FAM53A: variants seen among roughly 807,000 people sequenced by gnomAD.
FAM53A encodes family with sequence similarity 53 member A, also known as protein FAM53A.
FAM53A carries 28 observed loss-of-function variants against 26.6 expected under a neutral mutation model. The observed-to-expected ratio is 1.05, with a 90% CI of 0.78 to 1.45. The LOEUF is 1.45. Among genes scored for constraint, FAM53A ranks in the 40% most tolerant of loss-of-function variants. The pLI, the probability that FAM53A is intolerant of heterozygous loss-of-function variation, is 0.00. For missense variants in FAM53A, 650 were observed against 575.8 expected, an observed-to-expected ratio of 1.13 and a Z score of -1.32; for synonymous variants, 290 against 253.1, an observed-to-expected ratio of 1.15 and a Z score of -1.38.
At chr4:1,638,526 G>C (rs1038449402), downstream of FAM53A, among the ~76,000 whole-genome samples, 6 of 152,164 alleles carry the variant, frequency 3.9e-5, no homozygotes, top group Non-Finnish European at 7.4e-5. Flanking sequence ...CAGCCGGAAA[G>C]GTTCTGCCCA....
intron 4 of FAM53A, among the ~76,000 whole-genome samples, chr4:1,645,684 T>C (rs1000321791): frequency 2.0e-5 from 3 of 152,172 alleles, no homozygotes; most frequent in Non-Finnish European, 2.9e-5. Flanking sequence ...TGCCCAGCAG[T>C]GCGCCCCCTG....
the FAM53A span, among the ~76,000 whole-genome samples, chr4:1,578,378 G>A: frequency 6.6e-6 from 1 of 152,212 alleles, no homozygotes; most frequent in Non-Finnish European, 1.5e-5. Context: ...GTGCCAGGCA[G>A]GAGGGGCCGA....
At chr4:1,678,478 C>T (rs1715190119) in intron 1 of FAM53A, among the ~76,000 whole-genome samples, 1 of 152,186 alleles carries the variant, frequency 6.6e-6, no homozygotes, top group Non-Finnish European at 1.5e-5. Flanking sequence ...CAATAGAGAA[C>T]AGAGAGTCTT....
Position 1,652,836 on chromosome 4 carries a change from C to T in FAM53A, c.882+2142G>A, listed in dbSNP as rs545174594. 6.2e-3 allele frequency among the ~76,000 whole-genome samples: 925 copies of T among 148,866 alleles called. 12 individuals carry two copies. Among genetic ancestry groups the T allele is most frequent in the African/African-American group, 0.022 (871 of 40,358 alleles). ...ACACCACATACTACCCACCACACAC[C>T]ACACGCTACACACCACACAGCACAC... is the stretch of plus-strand genomic sequence containing the variant. On this transcript the variant is annotated intron_variant, in intron 4 of 4. Transcript: ENST00000308132.
intron 1 of FAM53A, among the ~76,000 whole-genome samples, chr4:1,629,079 C>T (rs1310240588): frequency 1.3e-5 from 2 of 151,946 alleles, no homozygotes; most frequent in East Asian, 1.9e-4. Flanking sequence ...GCCATGCCTG[C>T]GTTGGGGGAC....
intron 1 of FAM53A, among the ~76,000 whole-genome samples, chr4:1,620,671 A>G (rs1398258066): frequency 2.7e-5 from 4 of 149,416 alleles, no homozygotes; most frequent in African/African-American, 1.0e-4. Flanking sequence ...CTGTCTCACA[A>G]AAAAAAAGAA....
intron 2 of FAM53A, among the ~76,000 whole-genome samples, chr4:1,662,048 G>A (rs373542111): frequency 1.3e-5 from 2 of 152,218 alleles, no homozygotes; most frequent in South Asian, 2.1e-4. Context: ...ACTCTTACTG[G>A]CCAGGTGTCA....
chr4:1,649,721 C>G (rs998870970), intron 4 of FAM53A, among the ~76,000 whole-genome samples: 3 of 152,278 alleles, frequency 2.0e-5, no homozygotes, highest in African/African-American at 7.2e-5. Flanking sequence ...CAGCCCCAGT[C>G]AAGCCTCCAG....
At chr4:1,586,317 C>T in the FAM53A span, among the ~76,000 whole-genome samples, 54 of 151,936 alleles carry the variant, frequency 3.6e-4, no homozygotes, top group South Asian at 2.1e-4. Context: ...ACTCAGCCTC[C>T]CGAGTATCTA....
intron 1 of FAM53A, among the ~76,000 whole-genome samples, chr4:1,678,514 G>A (rs535155577): frequency 6.6e-5 from 10 of 152,246 alleles, no homozygotes; most frequent in Admixed American, 5.2e-4. Flanking sequence ...TGAAAAACTA[G>A]ACATCCACAA....
rs372393703 is a variant in FAM53A at position 1,674,398 on chromosome 4, G to A, written c.-164-5493C>T. On this transcript the variant is annotated intron_variant, in intron 1 of 4. Transcript: ENST00000308132. ...ATTGCAAAAGCATCTGGCCGGGCGC[G>A]GTGGCTCACGCCTGTAATCCCAGCA... Among the ~76,000 whole-genome samples, 17 of 152,288 alleles carry A rather than the reference G, an allele frequency of 1.1e-4. No homozygotes were observed. In the South Asian group the frequency reaches 1.2e-3, roughly 11 times the overall value.
At chr4:1,622,655 G>A (rs1343298548) in intron 1 of FAM53A, among the ~76,000 whole-genome samples, 2 of 152,252 alleles carry the variant, frequency 1.3e-5, no homozygotes, top group Admixed American at 6.5e-5. Context: ...GTGAGGGGAC[G>A]GTGGAGCTCT....
chr4:1,649,855 A>G (rs4865431), intron 4 of FAM53A, among the ~76,000 whole-genome samples: 1 of 141,638 alleles, frequency 7.1e-6, no homozygotes, highest in Non-Finnish European at 1.6e-5. Context: ...GGTGTTTGAC[A>G]GTGAGGTGGC....
At chr4:1,645,735 C>A (rs1712181891) in intron 4 of FAM53A, among the ~76,000 whole-genome samples, 2 of 152,242 alleles carry the variant, frequency 1.3e-5, no homozygotes, top group African/African-American at 4.8e-5. Context: ...CACCTCTGAC[C>A]ACCCTGGGCA....
chr4:1,612,924 T>C (rs1338705127), downstream of FAM53A, among the ~76,000 whole-genome samples: 2 of 152,194 alleles, frequency 1.3e-5, no homozygotes, highest in Non-Finnish European at 2.9e-5. Flanking sequence ...ACAAGGCACA[T>C]GGCCTGCTAC....
At chr4:1,617,610 GCT>G (rs759083910), downstream of FAM53A, among the ~76,000 whole-genome samples, 45 of 152,216 alleles carry the variant, frequency 3.0e-4, no homozygotes, top group Non-Finnish European at 4.9e-4. Flanking sequence ...TGCCTACTGC[GCT>G]CTTTCTTCCT....
At chr4:1,595,869 C>T in the FAM53A span, among the ~76,000 whole-genome samples, 10 of 152,194 alleles carry the variant, frequency 6.6e-5, no homozygotes, top group African/African-American at 2.2e-4. Context: ...AGGAGAGTCC[C>T]ACCCCAGAGG....
At chr4:1,600,985 G>T in the FAM53A span, among the ~76,000 whole-genome samples, 71,243 of 152,034 alleles carry the variant, frequency 0.47, 17,676 homozygotes, top group Non-Finnish European at 0.55. Flanking sequence ...GGGAGGGGCC[G>T]AGAAGCTCAA....
intron 1 of FAM53A, among the ~76,000 whole-genome samples, chr4:1,622,259 C>T (rs560909513): frequency 6.6e-5 from 10 of 151,110 alleles, no homozygotes; most frequent in Admixed American, 2.0e-4. Context: ...CTCCAGCCAG[C>T]GTGACGGTCA....
Sources: gnomAD v4.1 joint callset for allele counts (sites outside exome capture counted in the v4.1 genomes callset) on GRCh38, gnomAD v4.1.1 for gene constraint, MANE v1.5 for transcripts, NCBI Gene and HGNC (gene_info 2026-07-23, HGNC 2026-07-21) for gene names.